The following FLT3 variants were observed in gnomAD, a reference collection of about 807,000 sequenced individuals.
The protein encoded by FLT3 is fms related receptor tyrosine kinase 3.
Under a neutral mutation model 126.6 loss-of-function variants are expected in FLT3, and 46 were observed. That is an observed-to-expected ratio of 0.36 (90% CI 0.29 to 0.46). The LOEUF is 0.46. FLT3 is among the 20% of genes least tolerant of loss of function. The pLI, the probability that FLT3 is intolerant of heterozygous loss-of-function variation, is 1.00. For missense variants in FLT3, 1,069 were observed against 1,190.3 expected, an observed-to-expected ratio of 0.90 and a Z score of 1.50; for synonymous variants, 404 against 434.4, an observed-to-expected ratio of 0.93 and a Z score of 0.87.
At chr13:28,091,224 T>A in intron 1 of FLT3, among the ~76,000 whole-genome samples, 1 of 116,004 alleles carries the variant, frequency 8.6e-6, no homozygotes, top group Admixed American at 8.6e-5. Context: ...TTTTTTTTTT[T>A]TTTTTTTTTT....
At chr13:28,026,959 A>G (rs1872863366) in intron 17 of FLT3, 129 bp downstream of exon 17, 2 of 746,492 alleles carry the variant, frequency 2.7e-6, no homozygotes, top group Admixed American at 4.7e-5. Flanking sequence ...AGATTCAGGA[A>G]ATCTCTAGGT....
chr13:28,065,920 T>C (rs1593281321), intron 2 of FLT3, among the ~76,000 whole-genome samples: 2 of 152,044 alleles, frequency 1.3e-5, no homozygotes, highest in South Asian at 2.1e-4. Flanking sequence ...GCAGATTGCT[T>C]GAGTCCAGGA....
At chr13:28,053,203 T>G (rs1875699393) in intron 4 of FLT3, among the ~76,000 whole-genome samples, 2 of 151,146 alleles carry the variant, frequency 1.3e-5, no homozygotes. Context: ...CACACCATCC[T>G]TCACTCCCAG....
At chr13:28,008,953 A>C (rs1040701697) in intron 23 of FLT3, among the ~76,000 whole-genome samples, 1 of 151,822 alleles carries the variant, frequency 6.6e-6, no homozygotes, top group Non-Finnish European at 1.5e-5. Context: ...TTTGTGTTTT[A>C]TTTTTGTATT....
At chr13:28,084,722 T>A (rs1878538778) in intron 1 of FLT3, among the ~76,000 whole-genome samples, 1 of 152,110 alleles carries the variant, frequency 6.6e-6, no homozygotes, top group Non-Finnish European at 1.5e-5. Context: ...ATGCCTGTAA[T>A]CCCAGCACTT....
At chr13:28,025,347 G>T (rs1276812237) in intron 17 of FLT3, 1 of 446,644 alleles carries the variant, frequency 2.2e-6, no homozygotes, top group African/African-American at 2.0e-5. Context: ...AGATCTTCCC[G>T]AGAGTCCCGT....
chr13:28,018,826 G>A (rs1268083691), intron 19 of FLT3, among the ~76,000 whole-genome samples: 1 of 152,222 alleles, frequency 6.6e-6, no homozygotes, highest in African/African-American at 2.4e-5. Flanking sequence ...ATCCCCAGAG[G>A]CCAAAGAGGA....
intron 17 of FLT3, chr13:28,025,293 A>C: frequency 2.5e-6 from 1 of 407,858 alleles, no homozygotes. Context: ...CATCGATCTC[A>C]TTCTTTGGTT....
chr13:28,082,406 C>T (rs1292416715), intron 1 of FLT3, among the ~76,000 whole-genome samples: 1 of 152,130 alleles, frequency 6.6e-6, no homozygotes, highest in Non-Finnish European at 1.5e-5. Flanking sequence ...AAGCAACCCC[C>T]CTTGCCTCGT....
intron 22 of FLT3, 56 bp downstream of exon 22, chr13:28,015,101 G>A: frequency 9.1e-7 from 1 of 1,098,404 alleles, no homozygotes; most frequent in Non-Finnish European, 1.4e-6. Context: ...GCATTTGGAA[G>A]TAGACAGACT....
intron 9 of FLT3, among the ~76,000 whole-genome samples, chr13:28,039,588 G>A (rs866381453): frequency 4.6e-5 from 6 of 130,698 alleles, no homozygotes; most frequent in South Asian, 2.5e-4. Context: ...TCACTCTGTC[G>A]CCCAGGCTGG....
chr13:28,067,803 C>A, intron 2 of FLT3: 1 of 212,468 alleles, frequency 4.7e-6, no homozygotes. Context: ...CCATTCTTTC[C>A]CAAATCCTTG....
intron 23 of FLT3, among the ~76,000 whole-genome samples, chr13:28,011,952 C>T (rs1018196915): frequency 3.9e-5 from 6 of 152,040 alleles, no homozygotes; most frequent in Non-Finnish European, 8.8e-5. Flanking sequence ...CATGCGCCAC[C>T]ACGCCTGGCT....
At chr13:28,058,223 A>AAC (rs1555258483) in intron 3 of FLT3, among the ~76,000 whole-genome samples, 3 of 94,814 alleles carry the variant, frequency 3.2e-5, no homozygotes, top group African/African-American at 9.5e-5. Flanking sequence ...AAAAAAACAA[A>AAC]AAAAAAAACG....
chr13:28,049,776 T>C lies in FLT3; in HGVS notation c.743-2A>G. The stretch of plus-strand genomic sequence containing the variant: ...TGGTCTGAGGAGTTTGATTTAGATC[T>C]AGGAGATGAAAACATCCCAAGTGAG... On this transcript the variant is annotated splice_acceptor_variant, in intron 6 of 23. Coordinates refer to ENST00000241453, the MANE Select transcript of FLT3 (RefSeq NM_004119.3). LOFTEE classifies it high-confidence loss of function. The C allele has an allele frequency of 6.2e-7, 1 of 1,611,028 alleles. No individual in the cohort carries two copies. Among genetic ancestry groups the C allele is most frequent in the Non-Finnish European group, 8.5e-7 (1 of 1,179,010 alleles).
chr13:28,062,158 C>T (rs988734191), intron 2 of FLT3, 89 bp from the exon 3 acceptor site: 14 of 944,624 alleles, frequency 1.5e-5, no homozygotes, highest in Non-Finnish European at 2.3e-5. Context: ...CAAACATATG[C>T]ATGCTGACAC....
intron 18 of FLT3, among the ~76,000 whole-genome samples, chr13:28,024,069 C>T (rs532673958): frequency 2.0e-5 from 3 of 151,982 alleles, no homozygotes; most frequent in Non-Finnish European, 2.9e-5. Context: ...CCCATCTATC[C>T]TATTTTATAA....
intron 4 of FLT3, among the ~76,000 whole-genome samples, chr13:28,056,880 T>C (rs1411003753): frequency 3.3e-5 from 5 of 152,260 alleles, no homozygotes; most frequent in African/African-American, 1.2e-4. Context: ...AAGATCATTT[T>C]CATCATCTCA....
chr13:28,052,091 A>T (rs1875549270), intron 5 of FLT3, among the ~76,000 whole-genome samples: 1 of 151,334 alleles, frequency 6.6e-6, no homozygotes, highest in African/African-American at 2.4e-5. Flanking sequence ...TTATTTTTTT[A>T]ATTTTATTTA....
Sources: allele counts gnomAD v4.1 joint callset (sites outside exome capture counted in the v4.1 genomes callset), GRCh38; gene constraint gnomAD v4.1.1; transcripts MANE v1.5; gene names NCBI Gene and HGNC (gene_info 2026-07-23, HGNC 2026-07-21).